Variants in LAMA2 observed in about 807,000 individuals in gnomAD.
The protein encoded by LAMA2 is laminin subunit alpha-2.
A neutral mutation model predicts 364.8 loss-of-function variants in LAMA2; 269 were observed. The ratio of observed to expected loss-of-function variants is 0.74; its 90% CI spans 0.67 to 0.82. The LOEUF (loss-of-function observed/expected upper bound fraction) is 0.82, where lower values mean the gene tolerates loss of function less well. LAMA2 is among the 40% of genes least tolerant of loss of function. LAMA2 has a pLI of 0.00. For synonymous variants in LAMA2, 1,379 were observed against 1,370.6 expected, an observed-to-expected ratio of 1.01 and a Z score of -0.14; for missense variants, 3,807 against 3,873.2, an observed-to-expected ratio of 0.98 and a Z score of 0.45.
At chr6:128,968,663 T>C (rs1391897869) in intron 1 of LAMA2, among the ~76,000 whole-genome samples, 3 of 152,040 alleles carry the variant, frequency 2.0e-5, no homozygotes, top group Non-Finnish European at 2.9e-5. Context: ...AATGAACATC[T>C]CATGTAGGGT....
intron 1 of LAMA2, among the ~76,000 whole-genome samples, chr6:128,919,390 CATT>C (rs1236774262): frequency 7.2e-5 from 11 of 152,224 alleles, no homozygotes; most frequent in African/African-American, 2.7e-4. Context: ...TCATTATCAT[CATT>C]GTCATCATCA....
At chr6:129,055,485 C>T (rs182341154) in intron 2 of LAMA2, among the ~76,000 whole-genome samples, 47 of 152,210 alleles carry the variant, frequency 3.1e-4, no homozygotes, top group Non-Finnish European at 4.4e-5. Context: ...TGAGCCACCG[C>T]GCCTGGCCTG....
intron 1 of LAMA2, among the ~76,000 whole-genome samples, chr6:129,011,717 C>T (rs12197539): frequency 1.3e-5 from 2 of 151,976 alleles, no homozygotes; most frequent in Non-Finnish European, 2.9e-5. Context: ...CTGTTTACTC[C>T]GGACTTTCAG....
rs181905271 is a variant in LAMA2 at position 129,086,388 on chromosome 6, A to G, written c.397-11785A>G. On this transcript the variant is annotated intron_variant, in intron 3 of 64. Coordinates refer to ENST00000421865, the MANE Select transcript of LAMA2 (RefSeq NM_000426.4). Reference sequence around the variant, plus strand: ...AGACATTAACAGACATTTATATTCTATGGTATCTACTGCTAGCAACTTATA... The same window carrying G: ...AGACATTAACAGACATTTATATTCTGTGGTATCTACTGCTAGCAACTTATA... Among the ~76,000 whole-genome samples, 103 of 152,362 alleles carry G rather than the reference A, an allele frequency of 6.8e-4. 1 individual carries two copies. The highest frequency in any genetic ancestry group is 1.9e-4 in the Non-Finnish European group (13 of 68,034).
chr6:128,943,214 T>C (rs1166196952), intron 1 of LAMA2, among the ~76,000 whole-genome samples: 2 of 152,166 alleles, frequency 1.3e-5, no homozygotes, highest in Non-Finnish European at 1.5e-5. Flanking sequence ...TCTGTTTGTA[T>C]ATATACATAC....
chr6:129,270,835 A>C (rs1034640039), intron 17 of LAMA2, 84 bp downstream of exon 17: 5 of 1,369,892 alleles, frequency 3.6e-6, no homozygotes, highest in Non-Finnish European at 4.2e-6. Context: ...ACTTCCTTTT[A>C]TCCCATGTAA....
At position 129,440,956 on chromosome 6, in the gene LAMA2, G is replaced by C; in HGVS notation, c.6226G>C (p.Val2076Leu). The change falls in exon 43 of 65, where the codon GTC becomes CTC. Residue 2076 changes from valine to leucine, a missense_variant. By Grantham distance (32) the Val-to-Leu change is conservative. Around this residue, in one of 3 missense-constraint regions of LAMA2, gnomAD observed 3,333 missense variants for 3,345.7 expected, o/e 1.00. Coordinates refer to ENST00000421865, the MANE Select transcript of LAMA2 (RefSeq NM_000426.4). Reference protein sequence around the residue: ...KKNYNKLADSVAKTNAVVKDP... With the variant: ...KKNYNKLADSLAKTNAVVKDP... ...GAATTACAATAAACTAGCAGACAGC[G>C]TCGCCAAAACGAATGCTGTGGTTAA... The C allele has an allele frequency of 6.2e-7, 1 of 1,613,882 alleles. No individual in the cohort carries two copies.
chr6:129,509,318 G>T (rs965267082), intron 62 of LAMA2, among the ~76,000 whole-genome samples: 2 of 152,090 alleles, frequency 1.3e-5, no homozygotes, highest in African/African-American at 4.8e-5. Flanking sequence ...ACTTCACTTT[G>T]TTGATTGTTT....
intron 1 of LAMA2, among the ~76,000 whole-genome samples, chr6:128,940,812 A>G (rs1352040594): frequency 6.6e-6 from 1 of 152,114 alleles, no homozygotes; most frequent in Non-Finnish European, 1.5e-5. Flanking sequence ...TTAGTTGAGC[A>G]TGGTAGTACA....
intron 12 of LAMA2, among the ~76,000 whole-genome samples, chr6:129,196,755 ACTG>A (rs1781875534): frequency 6.6e-6 from 1 of 152,228 alleles, no homozygotes; most frequent in Admixed American, 6.5e-5. Context: ...GGATAAATCA[ACTG>A]TGGTTGATTT....
intron 47 of LAMA2, 35 bp downstream of exon 47, chr6:129,454,323 GA>G (rs1782846800): frequency 6.4e-7 from 1 of 1,571,028 alleles, no homozygotes; most frequent in South Asian, 1.1e-5. Context: ...ATAATTAAAT[GA>G]TAGAATTTTG....
At chr6:129,354,854 T>C (rs1777062779) in intron 32 of LAMA2, among the ~76,000 whole-genome samples, 1 of 152,176 alleles carries the variant, frequency 6.6e-6, no homozygotes, top group African/African-American at 2.4e-5. Context: ...TTGAATACAT[T>C]TATCATTAGA....
intron 1 of LAMA2, among the ~76,000 whole-genome samples, chr6:128,977,165 CT>C (rs1782580674): frequency 6.6e-6 from 1 of 151,566 alleles, no homozygotes; most frequent in African/African-American, 2.4e-5. Flanking sequence ...TTTGCCACCT[CT>C]TCTTAATACA....
intron 30 of LAMA2, among the ~76,000 whole-genome samples, chr6:129,345,596 G>A (rs1304654273): frequency 1.3e-5 from 2 of 152,068 alleles, no homozygotes; most frequent in African/African-American, 4.8e-5. Flanking sequence ...AATTAAAATG[G>A]CAAGTTCAGT....
At chr6:129,308,081 A>G (rs748823688) in intron 22 of LAMA2, among the ~76,000 whole-genome samples, 15 of 152,260 alleles carry the variant, frequency 9.9e-5, no homozygotes, top group Non-Finnish European at 1.9e-4. Context: ...ATGATTCTTC[A>G]AGGAAGTTCA....
intron 18 of LAMA2, 106 bp from the exon 19 acceptor site, chr6:129,287,741 A>G: frequency 1.0e-6 from 1 of 988,236 alleles, no homozygotes; most frequent in Non-Finnish European, 1.6e-6. Context: ...AGGAACACTT[A>G]AAAGGAAAAT....
At chr6:129,275,926 GA>G (rs1788292234) in intron 17 of LAMA2, among the ~76,000 whole-genome samples, 2 of 151,922 alleles carry the variant, frequency 1.3e-5, no homozygotes, top group Non-Finnish European at 2.9e-5. Flanking sequence ...GTCTAATTAA[GA>G]AATGCAATTG....
intron 33 of LAMA2, among the ~76,000 whole-genome samples, chr6:129,367,513 A>G (rs966997179): frequency 2.0e-5 from 3 of 152,238 alleles, no homozygotes; most frequent in Admixed American, 6.5e-5. Flanking sequence ...AGAATGTACC[A>G]TTACTGAGAG....
At chr6:129,142,418 G>A (rs1283455807) in intron 4 of LAMA2, among the ~76,000 whole-genome samples, 4 of 152,036 alleles carry the variant, frequency 2.6e-5, no homozygotes, top group Admixed American at 2.6e-4. Context: ...TTTTTATTAG[G>A]TCACTAATCT....
Sources: gnomAD v4.1 joint callset for allele counts (sites outside exome capture counted in the v4.1 genomes callset) on GRCh38, gnomAD v4.1.1 for gene constraint, gnomAD v4.1.1 regional missense constraint, MANE v1.5 for transcripts, NCBI Gene and HGNC (gene_info 2026-07-23, HGNC 2026-07-21) for gene names.